The following HTR1E variants were observed in gnomAD, a reference collection of about 807,000 sequenced individuals.
The protein encoded by HTR1E is 5-hydroxytryptamine receptor 1E.
Under a neutral mutation model 3.4 loss-of-function variants are expected in HTR1E, and 3 were observed. The observed-to-expected ratio is 0.89, with a 90% CI of 0.41 to 2.31. The LOEUF (loss-of-function observed/expected upper bound fraction) is 2.31. HTR1E is among the 30% of genes most tolerant of loss of function. The pLI is 0.05. For synonymous variants in HTR1E, 170 were observed against 182.8 expected (o/e 0.93, Z 0.56); for missense variants, 392 against 467.0 (o/e 0.84, Z 1.48).
intron 1 of HTR1E, among the ~76,000 whole-genome samples, chr6:86,975,152 C>G (rs572533974): frequency 1.1e-3 from 163 of 152,278 alleles, no homozygotes; most frequent in Non-Finnish European, 2.0e-3. Context: ...TAAATCCACA[C>G]GTTTACATCA....
intron 1 of HTR1E, among the ~76,000 whole-genome samples, chr6:87,010,816 G>T (rs951641580): frequency 2.6e-5 from 4 of 151,780 alleles, no homozygotes; most frequent in African/African-American, 7.3e-5. Flanking sequence ...TTGCCCTCGG[G>T]CCCCGCGGGG....
chr6:86,985,870 T>C (rs1304933743), intron 1 of HTR1E, among the ~76,000 whole-genome samples: 1 of 152,202 alleles, frequency 6.6e-6, no homozygotes, highest in Non-Finnish European at 1.5e-5. Flanking sequence ...AAGGTGAAAT[T>C]TTTAAAGCAT....
intron 1 of HTR1E, among the ~76,000 whole-genome samples, chr6:86,975,149 A>G (rs1248571865): frequency 6.6e-6 from 1 of 152,212 alleles, no homozygotes; most frequent in African/African-American, 2.4e-5. Flanking sequence ...GTATAAATCC[A>G]CACGTTTACA....
intron 1 of HTR1E, among the ~76,000 whole-genome samples, chr6:86,998,454 G>C (rs1767974869): frequency 6.6e-6 from 1 of 152,056 alleles, no homozygotes; most frequent in Non-Finnish European, 1.5e-5. Context: ...AAAATTTTAA[G>C]TTAATAAATG....
chr6:87,002,114 A>G (rs1393729077), intron 1 of HTR1E, among the ~76,000 whole-genome samples: 3 of 152,212 alleles, frequency 2.0e-5, no homozygotes, highest in Non-Finnish European at 4.4e-5. Flanking sequence ...GTGTGTTCGG[A>G]ATTTATTCCT....
At chr6:86,947,123 A>C (rs1768627994) in intron 1 of HTR1E, among the ~76,000 whole-genome samples, 1 of 152,194 alleles carries the variant, frequency 6.6e-6, no homozygotes, top group Non-Finnish European at 1.5e-5. Flanking sequence ...TCTCAAAAAA[A>C]AAATGCACAG....
chr6:86,986,025 C>T (rs1238425978), intron 1 of HTR1E, among the ~76,000 whole-genome samples: 3 of 152,180 alleles, frequency 2.0e-5, no homozygotes, highest in African/African-American at 7.2e-5. Flanking sequence ...CTCCTTCTGT[C>T]ATCCCCTCTT....
chr6:86,984,908 G>A (rs1767763185), intron 1 of HTR1E, among the ~76,000 whole-genome samples: 1 of 152,130 alleles, frequency 6.6e-6, no homozygotes, highest in African/African-American at 2.4e-5. Flanking sequence ...GGGGGAGTGT[G>A]TAGAAAATAT....
Position 87,015,439 on chromosome 6 carries a change from C to T in HTR1E, c.105C>T (p.Leu35=). ...TGACTCTGGTGGTCATCACCACCCT[C>T]ACCACGTTGCTGAACTTGGCTGTGA... ...ICMTLVVITT[L]TTLLNLAVIM... The change falls in exon 2 of 2, where the codon CTC becomes CTT. Residue 35 remains leucine (L), a synonymous_variant. Coordinates refer to ENST00000305344, the MANE Select transcript of HTR1E (RefSeq NM_000865.3). 6.2e-7 allele frequency: 1 copy of T among 1,614,092 alleles called. No homozygotes were observed.
At chr6:86,940,357 G>A (rs1188548514) in intron 1 of HTR1E, among the ~76,000 whole-genome samples, 5 of 152,092 alleles carry the variant, frequency 3.3e-5, no homozygotes, top group African/African-American at 1.2e-4. Context: ...GCAAAATAAT[G>A]AGAACTCATC....
intron 1 of HTR1E, among the ~76,000 whole-genome samples, chr6:86,942,268 A>G (rs1049801917): frequency 6.6e-6 from 1 of 152,212 alleles, no homozygotes; most frequent in African/African-American, 2.4e-5. Flanking sequence ...ATTTATCCTT[A>G]TATGATTTCT....
intron 1 of HTR1E, among the ~76,000 whole-genome samples, chr6:86,995,384 G>A (rs1270577495): frequency 2.0e-5 from 3 of 151,078 alleles, no homozygotes; most frequent in Non-Finnish European, 3.0e-5. Context: ...AACATGACCC[G>A]GCCAGACACA....
chr6:86,976,816 C>T (rs1767645418), intron 1 of HTR1E, among the ~76,000 whole-genome samples: 1 of 152,182 alleles, frequency 6.6e-6, no homozygotes, highest in Non-Finnish European at 1.5e-5. Context: ...CTTTTTATCA[C>T]TTTGAATTCA....
intron 1 of HTR1E, among the ~76,000 whole-genome samples, chr6:87,003,225 G>T (rs552709071): frequency 6.6e-6 from 1 of 152,248 alleles, no homozygotes; most frequent in African/African-American, 2.4e-5. Context: ...AATGACCAGT[G>T]GGCCAATGAA....
At chr6:86,972,796 A>C (rs1391534865) in intron 1 of HTR1E, among the ~76,000 whole-genome samples, 2 of 152,186 alleles carry the variant, frequency 1.3e-5, no homozygotes, top group Non-Finnish European at 2.9e-5. Context: ...GCCAGTGATT[A>C]CTGGGGTTAT....
chr6:87,001,812 C>A (rs1029870945), intron 1 of HTR1E, among the ~76,000 whole-genome samples: 1 of 152,022 alleles, frequency 6.6e-6, no homozygotes, highest in African/African-American at 2.4e-5. Context: ...GCTTTAAGAC[C>A]AGAAGGATCA....
intron 1 of HTR1E, among the ~76,000 whole-genome samples, chr6:86,970,014 T>G (rs1767527090): frequency 6.6e-6 from 1 of 152,178 alleles, no homozygotes; most frequent in Non-Finnish European, 1.5e-5. Flanking sequence ...TGGAAACCAA[T>G]ATCATCCCTG....
intron 1 of HTR1E, among the ~76,000 whole-genome samples, chr6:86,980,159 G>A (rs923537555): frequency 1.6e-4 from 24 of 152,184 alleles, no homozygotes; most frequent in Middle Eastern, 3.4e-3. Context: ...AGGCCGAGGC[G>A]GGCGGATCAT....
rs1272421962 is a variant in HTR1E, at chr6:86,952,274, A to G, written c.-186+14451A>G. Among the ~76,000 whole-genome samples the G allele has an allele frequency of 2.0e-5, 3 of 152,146 alleles. No individual in the cohort carries two copies. In the East Asian group the frequency reaches 5.8e-4, roughly 29 times the overall value. ...CAAACAACTCACAGAGAAAACCAACAAGCATCTCTCACTCACAGTTCAAAT... is the reference window on the plus strand; with the variant it reads ...CAAACAACTCACAGAGAAAACCAACGAGCATCTCTCACTCACAGTTCAAAT... On this transcript the variant is annotated intron_variant, in intron 1 of 1. Coordinates refer to ENST00000305344, the MANE Select transcript of HTR1E (RefSeq NM_000865.3).
Sources: allele counts gnomAD v4.1 joint callset (sites outside exome capture counted in the v4.1 genomes callset), GRCh38; gene constraint gnomAD v4.1.1; transcripts MANE v1.5; gene names NCBI Gene and HGNC (gene_info 2026-07-23, HGNC 2026-07-21).